ARHGAP42: variants seen among roughly 807,000 people sequenced by gnomAD.
ARHGAP42 encodes rho GTPase-activating protein 42.
Under a neutral mutation model 125.0 loss-of-function variants are expected in ARHGAP42, and 63 were observed. That is an observed-to-expected ratio of 0.50 (90% CI 0.41 to 0.62). The LOEUF (loss-of-function observed/expected upper bound fraction) is 0.62, where lower values mean the gene tolerates loss of function less well. ARHGAP42 is among the 20% of genes least tolerant of loss of function. The probability of loss-of-function intolerance (pLI) is 0.00; values close to 1 mark genes in which losing one functional copy is unlikely to be tolerated. For missense variants in ARHGAP42, 766 were observed against 1,024.2 expected, an observed-to-expected ratio of 0.75 and a Z score of 3.44; for synonymous variants, 339 against 351.0, an observed-to-expected ratio of 0.97 and a Z score of 0.38.
chr11:100,896,287 G>A (rs1167592127), intron 4 of ARHGAP42, among the ~76,000 whole-genome samples: 1 of 152,146 alleles, frequency 6.6e-6, no homozygotes, highest in Admixed American at 6.5e-5. Flanking sequence ...ATTGTGAATA[G>A]TGCCACAATA....
chr11:100,856,373 A>AT (rs1865322853), intron 3 of ARHGAP42, among the ~76,000 whole-genome samples: 1 of 152,030 alleles, frequency 6.6e-6, no homozygotes. Context: ...TTGCTTTAGA[A>AT]TTGGAGAGTT....
intron 19 of ARHGAP42, among the ~76,000 whole-genome samples, chr11:100,975,667 C>T (rs918952068): frequency 6.6e-6 from 1 of 152,108 alleles, no homozygotes; most frequent in East Asian, 1.9e-4. Flanking sequence ...TTTTACTATA[C>T]CCCCTTTCAT....
intron 2 of ARHGAP42, among the ~76,000 whole-genome samples, chr11:100,792,509 C>T (rs889612922): frequency 6.6e-6 from 1 of 152,050 alleles, no homozygotes; most frequent in Non-Finnish European, 1.5e-5. Flanking sequence ...ATTTGTTTTT[C>T]AGTTTTAGAT....
In ARHGAP42 at chr11:100,844,680, A is replaced by T. The variant is rs770752143; in HGVS notation, c.313-14874A>T. Among the ~76,000 whole-genome samples the T allele has an allele frequency of 4.2e-4, 62 of 147,912 alleles. 2 individuals carry two copies. The highest frequency in any genetic ancestry group is 1.0e-3 in the South Asian group (5 of 4,828). ...AAAGGAGATAGACAAGTGGCTAAGA[A>T]ACATATGAAAAAATCTCAACATCAC... On this transcript the variant is annotated intron_variant, in intron 3 of 23. Coordinates refer to ENST00000298815, the MANE Select transcript of ARHGAP42 (RefSeq NM_152432.4).
intron 1 of ARHGAP42, among the ~76,000 whole-genome samples, chr11:100,693,674 A>G (rs1861230080): frequency 6.6e-6 from 1 of 152,164 alleles, no homozygotes; most frequent in East Asian, 1.9e-4. Context: ...AACAAAAAAC[A>G]GTTCCTGTCT....
chr11:100,916,700 A>G (rs1867075059), intron 5 of ARHGAP42, among the ~76,000 whole-genome samples: 1 of 152,170 alleles, frequency 6.6e-6, no homozygotes, highest in Non-Finnish European at 1.5e-5. Flanking sequence ...CATGCTAGGT[A>G]GTTGAGACGA....
chr11:100,779,485 T>TATATATAC (rs1312550660), intron 2 of ARHGAP42, among the ~76,000 whole-genome samples: 21 of 81,436 alleles, frequency 2.6e-4, no homozygotes, highest in African/African-American at 9.1e-4. Context: ...TATATATATA[T>TATATATAC]ACACACACAC....
At chr11:100,779,546 A>ACATACGTATATATACGTATATATACG (rs1565210691) in intron 2 of ARHGAP42, among the ~76,000 whole-genome samples, 1 of 142,026 alleles carries the variant, frequency 7.0e-6, no homozygotes, top group Non-Finnish European at 1.5e-5. Flanking sequence ...ATACGTATAT[A>ACATACGTATATATACGTATATATACG]TATACATATA....
chr11:100,904,493 C>T (rs146117355), intron 4 of ARHGAP42, among the ~76,000 whole-genome samples: 3,940 of 151,266 alleles, frequency 0.026, 179 homozygotes, highest in African/African-American at 0.091. Context: ...ATGATCCACC[C>T]GCCTCGGCCT....
rs1221777271 is a variant in ARHGAP42 at position 100,751,198 on chromosome 11, C to T, written c.155-19145C>T. Among the ~76,000 whole-genome samples the T allele has an allele frequency of 2.0e-5, 3 of 151,420 alleles. No individual in the cohort carries two copies. The East Asian group carries it at 5.8e-4, about 29-fold the overall frequency. On this transcript the variant is annotated intron_variant, in intron 1 of 23. Coordinates refer to ENST00000298815, the MANE Select transcript of ARHGAP42 (RefSeq NM_152432.4). The stretch of plus-strand genomic sequence containing the variant: ...AGGTGATTCTCCTGCCTTCGCCTCC[C>T]AAAGAGCTGGGATTATAGGTGTTAG...
At chr11:100,825,664 C>G (rs1488594933) in intron 3 of ARHGAP42, among the ~76,000 whole-genome samples, 5 of 152,102 alleles carry the variant, frequency 3.3e-5, no homozygotes, top group African/African-American at 1.2e-4. Context: ...TGAGATGACT[C>G]TGTAGTGTAT....
intron 6 of ARHGAP42, 25 bp downstream of exon 6, chr11:100,921,629 T>C (rs1272212815): frequency 7.2e-7 from 1 of 1,395,812 alleles, no homozygotes; most frequent in Non-Finnish European, 9.8e-7. Context: ...TTTGTATAAA[T>C]GGTGGGCTCA....
At chr11:100,797,976 G>A (rs929258378) in intron 3 of ARHGAP42, among the ~76,000 whole-genome samples, 4 of 152,166 alleles carry the variant, frequency 2.6e-5, no homozygotes, top group African/African-American at 9.7e-5. Context: ...GACTTGGAGA[G>A]GTTCAAGACT....
At chr11:100,736,191 C>T (rs1341434592) in intron 1 of ARHGAP42, among the ~76,000 whole-genome samples, 1 of 152,138 alleles carries the variant, frequency 6.6e-6, no homozygotes, top group Non-Finnish European at 1.5e-5. Context: ...AACCTGAAGC[C>T]TCAGTGGGCT....
chr11:100,956,871 T>C (rs1367596149), intron 12 of ARHGAP42, among the ~76,000 whole-genome samples: 1 of 152,108 alleles, frequency 6.6e-6, no homozygotes, highest in Non-Finnish European at 1.5e-5. Flanking sequence ...CAAAGTGATA[T>C]ATGCCTGTTC....
At chr11:100,858,447 G>A (rs1035479835) in intron 3 of ARHGAP42, among the ~76,000 whole-genome samples, 9 of 151,980 alleles carry the variant, frequency 5.9e-5, no homozygotes, top group Non-Finnish European at 1.5e-5. Flanking sequence ...ATGGATGGTG[G>A]TGTCAACACT....
intron 4 of ARHGAP42, among the ~76,000 whole-genome samples, chr11:100,872,062 A>G (rs1308435222): frequency 1.3e-5 from 2 of 152,280 alleles, no homozygotes; most frequent in Admixed American, 1.3e-4. Context: ...TATTCTTAAT[A>G]TAACATTGTT....
At chr11:100,692,103 A>G (rs1461886202) in intron 1 of ARHGAP42, among the ~76,000 whole-genome samples, 1 of 152,216 alleles carries the variant, frequency 6.6e-6, no homozygotes, top group Non-Finnish European at 1.5e-5. Context: ...AGCCTGCAGC[A>G]TCTTGGCTAT....
chr11:100,858,806 G>T (rs748654247), intron 3 of ARHGAP42, among the ~76,000 whole-genome samples: 3 of 151,964 alleles, frequency 2.0e-5, no homozygotes, highest in Non-Finnish European at 2.9e-5. Flanking sequence ...TTATTTTAAT[G>T]CTTTCTAAAG....
Sources: gnomAD v4.1 joint callset for allele counts (sites outside exome capture counted in the v4.1 genomes callset) on GRCh38, gnomAD v4.1.1 for gene constraint, MANE v1.5 for transcripts, NCBI Gene and HGNC (gene_info 2026-07-23, HGNC 2026-07-21) for gene names.